AKR1C8: variants seen among roughly 807,000 people sequenced by gnomAD.
AKR1C8 encodes the protein aldo-keto reductase family 1 member C8, also known as aldo-keto reductase family 1 member C-like protein 1.
At chr10:5,149,679 A>T in the AKR1C8 span, among the ~76,000 whole-genome samples, 152 of 152,274 alleles carry the variant, frequency 1.0e-3, no homozygotes, top group African/African-American at 3.3e-3. Context: ...TTATAAAGTT[A>T]ACCTCCATTT....
chr10:5,132,544 C>A, the AKR1C8 span: 2 of 1,338,466 alleles, frequency 1.5e-6, no homozygotes, highest in South Asian at 2.1e-5. Flanking sequence ...ACAGAATTGT[C>A]ATCTCCACAC....
the AKR1C8 span, among the ~76,000 whole-genome samples, chr10:5,153,757 T>A: frequency 6.6e-6 from 1 of 152,076 alleles, no homozygotes; most frequent in Non-Finnish European, 1.5e-5. Flanking sequence ...GCCCCTATGA[T>A]CCAATAACCT....
chr10:5,179,362 G>A, the AKR1C8 span, among the ~76,000 whole-genome samples: 1 of 152,212 alleles, frequency 6.6e-6, no homozygotes, highest in African/African-American at 2.4e-5. Flanking sequence ...TTAGTCTGAT[G>A]AGCTTCCCTT....
the AKR1C8 span, among the ~76,000 whole-genome samples, chr10:5,161,058 T>C: frequency 9.0e-4 from 137 of 152,268 alleles, 1 homozygote; most frequent in South Asian, 1.7e-3. Context: ...TGTGTGTATA[T>C]ATATGTGTGT....
chr10:5,179,073 T>A, the AKR1C8 span, among the ~76,000 whole-genome samples: 1 of 152,336 alleles, frequency 6.6e-6, no homozygotes, highest in African/African-American at 2.4e-5. Flanking sequence ...CTTCCTAGCC[T>A]CGATGGTCTT....
the AKR1C8 span, among the ~76,000 whole-genome samples, chr10:5,127,876 A>G: frequency 1.4e-3 from 210 of 152,266 alleles, 2 homozygotes; most frequent in African/African-American, 4.9e-3. Context: ...ATAATTGAGA[A>G]AAACTTCCCT....
the AKR1C8 span, among the ~76,000 whole-genome samples, chr10:5,137,690 A>G: frequency 0.014 from 2,173 of 152,216 alleles, 49 homozygotes; most frequent in African/African-American, 0.05. Context: ...CTTGCCCCCA[A>G]TACTTCAGTG....
chr10:5,167,379 C>T, the AKR1C8 span, among the ~76,000 whole-genome samples: 1 of 152,144 alleles, frequency 6.6e-6, no homozygotes, highest in African/African-American at 2.4e-5. Flanking sequence ...GACTTGGAAC[C>T]AACCCAAATG....
At chr10:5,161,219 T>C in the AKR1C8 span, among the ~76,000 whole-genome samples, 1 of 152,176 alleles carries the variant, frequency 6.6e-6, no homozygotes, top group Non-Finnish European at 1.5e-5. Context: ...TCCCTACAGT[T>C]GGAATTCATT....
chr10:5,138,698 G>A, the AKR1C8 span, among the ~76,000 whole-genome samples: 1 of 152,122 alleles, frequency 6.6e-6, no homozygotes, highest in Non-Finnish European at 1.5e-5. Flanking sequence ...CACAATTTAT[G>A]TTCCTCTGCC....
the AKR1C8 span, among the ~76,000 whole-genome samples, chr10:5,141,577 G>T: frequency 6.6e-6 from 1 of 152,134 alleles, no homozygotes; most frequent in South Asian, 2.1e-4. Context: ...AGACTTGAAA[G>T]TTAAAATTGC....
chr10:5,168,591 G>C, the AKR1C8 span, among the ~76,000 whole-genome samples: 1 of 152,132 alleles, frequency 6.6e-6, no homozygotes, highest in Non-Finnish European at 1.5e-5. Flanking sequence ...TTAAGTGCTT[G>C]ATCTTACATA....
chr10:5,154,077 T>C, the AKR1C8 span: 2,352 of 453,114 alleles, frequency 5.2e-3, 8 homozygotes, highest in Non-Finnish European at 8.5e-3. Context: ...TATCAAATAC[T>C]GAAATCCTCT....
At chr10:5,132,586 A>G in the AKR1C8 span, 2 of 1,529,110 alleles carry the variant, frequency 1.3e-6, no homozygotes, top group Non-Finnish European at 1.8e-6. Context: ...ATGCATGCTT[A>G]TCATAGGCAC....
chr10:5,132,520 C>T, the AKR1C8 span: 3 of 1,245,896 alleles, frequency 2.4e-6, no homozygotes, highest in Non-Finnish European at 3.2e-6. Flanking sequence ...ATTCACCCAC[C>T]TACAGATCCA....
the AKR1C8 span, among the ~76,000 whole-genome samples, chr10:5,174,093 T>G: frequency 6.6e-6 from 1 of 152,106 alleles, no homozygotes; most frequent in Non-Finnish European, 1.5e-5. Flanking sequence ...CAAAATCTAT[T>G]TTTGTCTTCC....
chr10:5,175,836 C>T, the AKR1C8 span, among the ~76,000 whole-genome samples: 1 of 151,664 alleles, frequency 6.6e-6, no homozygotes, highest in Non-Finnish European at 1.5e-5. Context: ...TTGTTTTTTT[C>T]TTGTAAATTT....
At chr10:5,118,957 G>A in the AKR1C8 span, among the ~76,000 whole-genome samples, 1 of 151,250 alleles carries the variant, frequency 6.6e-6, no homozygotes, top group Admixed American at 6.6e-5. Context: ...AAAACAGGTG[G>A]AATGCAGGGA....
At chr10:5,164,319 CCT>C in the AKR1C8 span, among the ~76,000 whole-genome samples, 2 of 151,990 alleles carry the variant, frequency 1.3e-5, no homozygotes, top group African/African-American at 4.8e-5. Context: ...ATTCAGGCCC[CCT>C]CTCTACTATA....
Sources: gnomAD v4.1 joint callset for allele counts (sites outside exome capture counted in the v4.1 genomes callset) on GRCh38, gnomAD v4.1.1 for gene constraint, MANE v1.5 for transcripts, NCBI Gene and HGNC (gene_info 2026-07-23, HGNC 2026-07-21) for gene names.